The following MSI2 variants were observed in gnomAD, a reference collection of about 807,000 sequenced individuals.
The protein encoded by MSI2 is RNA-binding protein Musashi homolog 2.
In MSI2, 17 loss-of-function variants were observed where a neutral mutation model predicts 45.6. The ratio of observed to expected loss-of-function variants is 0.37; its 90% CI spans 0.26 to 0.56. MSI2 has a LOEUF of 0.56. Ranked by LOEUF, MSI2 falls within the 20% of genes least tolerant of loss-of-function variation. The probability of loss-of-function intolerance (pLI) is 0.77; values close to 1 mark genes in which losing one functional copy is unlikely to be tolerated. For synonymous variants in MSI2, 156 were observed against 158.2 expected (o/e 0.99, Z 0.11); for missense variants, 293 against 444.2 (o/e 0.66, Z 3.06).
At chr17:57,308,307 G>C (rs1598100430) in intron 5 of MSI2, among the ~76,000 whole-genome samples, 1 of 152,310 alleles carries the variant, frequency 6.6e-6, no homozygotes, top group African/African-American at 2.4e-5. Context: ...AGGAGATAAT[G>C]GATAGAACAT....
intron 7 of MSI2, among the ~76,000 whole-genome samples, chr17:57,538,249 C>A (rs1003420237): frequency 6.6e-6 from 1 of 151,950 alleles, no homozygotes; most frequent in South Asian, 2.1e-4. Context: ...GGCCAGGGGT[C>A]GCCGCAAGCC....
chr17:57,358,903 C>A (rs1476579040), intron 5 of MSI2, among the ~76,000 whole-genome samples: 2 of 152,110 alleles, frequency 1.3e-5, no homozygotes, highest in African/African-American at 4.8e-5. Context: ...GAGTGTTCCT[C>A]ATACTTTGAG....
At chr17:57,574,325 A>C (rs909182935) in intron 7 of MSI2, among the ~76,000 whole-genome samples, 2 of 152,272 alleles carry the variant, frequency 1.3e-5, no homozygotes, top group Admixed American at 6.5e-5. Flanking sequence ...AAATAAAATA[A>C]GAAAGTCCAT....
intron 7 of MSI2, among the ~76,000 whole-genome samples, chr17:57,538,226 C>T: frequency 6.6e-6 from 1 of 152,000 alleles, no homozygotes; most frequent in East Asian, 1.9e-4. Context: ...CTGCCAGTGG[C>T]CGGAGAGGGC....
chr17:57,348,035 C>G (rs1915755545), intron 5 of MSI2, among the ~76,000 whole-genome samples: 1 of 152,212 alleles, frequency 6.6e-6, no homozygotes, highest in Non-Finnish European at 1.5e-5. Context: ...CGTGTCCAGC[C>G]TTTCTCATCT....
chr17:57,388,210 C>T (rs148557383), intron 5 of MSI2, among the ~76,000 whole-genome samples: 1 of 152,342 alleles, frequency 6.6e-6, no homozygotes, highest in East Asian at 1.9e-4. Flanking sequence ...ATTTTGGCCT[C>T]TCTCTTTTAC....
At chr17:57,490,656 GAATAA>G (rs1357655334) in intron 6 of MSI2, among the ~76,000 whole-genome samples, 1 of 152,112 alleles carries the variant, frequency 6.6e-6, no homozygotes, top group East Asian at 1.9e-4. Flanking sequence ...GAAATATTTG[GAATAA>G]AATACCATGG....
In MSI2 at chr17:57,552,673, T is replaced by C. The variant is rs1387143744; in HGVS notation, c.454+22949T>C. Among the ~76,000 whole-genome samples the C allele has an allele frequency of 2.0e-5, 3 of 152,236 alleles. No individual in the cohort carries two copies. In the East Asian group the frequency reaches 5.8e-4, roughly 29 times the overall value. ...TACAACCAGAAGGTGATTCTCTGGC[T>C]TCTGAGCTTCACCCAACCCTCTCTG... On this transcript the variant is annotated intron_variant, in intron 7 of 13. Transcript: ENST00000284073. This position sits in a 1 kb window ranked among gnomAD's most constrained non-coding sequence, Gnocchi z 4.3.
intron 7 of MSI2, among the ~76,000 whole-genome samples, chr17:57,563,098 C>CAAA (rs59975200): frequency 0.016 from 1,168 of 70,928 alleles, 16 homozygotes; most frequent in Middle Eastern, 0.036. Context: ...ACTTCGTCTC[C>CAAA]AAAAAAAAAA....
chr17:57,456,262 T>C (rs948041490), intron 6 of MSI2, among the ~76,000 whole-genome samples: 1 of 152,186 alleles, frequency 6.6e-6, no homozygotes, highest in African/African-American at 2.4e-5. Flanking sequence ...CCAGGGCACT[T>C]GTATGTCTGT....
In MSI2 at chr17:57,682,450, G is replaced by A. The variant is rs1198761095; in HGVS notation, c.*2933G>A. The A allele has an allele frequency of 5.2e-6, 1 of 190,720 alleles. No homozygotes were observed. The highest frequency in any genetic ancestry group is 2.3e-5 in the African/African-American group (1 of 42,720). The allele number at this position is 190,720 out of a possible 1,614,324, so 11.8% of individuals were successfully genotyped here. The stretch of plus-strand genomic sequence containing the variant: ...GTATATTAAAATGATTTTACTAAGA[G>A]AAAAAATATTTTTTTAAGAATGCTC... On this transcript the variant is annotated 3_prime_UTR_variant, in exon 14 of 14. Transcript: ENST00000284073.
chr17:57,550,729 A>T (rs1172131769), intron 7 of MSI2, among the ~76,000 whole-genome samples: 2 of 152,170 alleles, frequency 1.3e-5, no homozygotes, highest in African/African-American at 4.8e-5. Flanking sequence ...CCTGGGGAAG[A>T]GTCGAGGTTC....
At chr17:57,303,330 G>A (rs1052455016) in intron 5 of MSI2, among the ~76,000 whole-genome samples, 20 of 152,328 alleles carry the variant, frequency 1.3e-4, no homozygotes, top group African/African-American at 3.4e-4. Context: ...TGCACAGCTC[G>A]ACATATGCTG....
At chr17:57,469,525 G>T (rs1270148234) in intron 6 of MSI2, among the ~76,000 whole-genome samples, 1 of 152,222 alleles carries the variant, frequency 6.6e-6, no homozygotes, top group African/African-American at 2.4e-5. Flanking sequence ...CGTGACTGTG[G>T]TTGGAGGTGA....
chr17:57,577,190 C>T (rs1598416486), intron 7 of MSI2, among the ~76,000 whole-genome samples: 2 of 152,114 alleles, frequency 1.3e-5, no homozygotes, highest in South Asian at 2.1e-4. Flanking sequence ...CATGAGTGGC[C>T]GTTTGTGAAG....
intron 9 of MSI2, among the ~76,000 whole-genome samples, chr17:57,624,709 G>A (rs1383521913): frequency 6.6e-6 from 1 of 152,210 alleles, no homozygotes; most frequent in Non-Finnish European, 1.5e-5. Context: ...CATTCAGTGA[G>A]TGAGCTGTGA....
At chr17:57,271,912 C>A (rs777175390) in intron 5 of MSI2, among the ~76,000 whole-genome samples, 3 of 151,992 alleles carry the variant, frequency 2.0e-5, no homozygotes, top group Non-Finnish European at 4.4e-5. Flanking sequence ...GCCATCAAAG[C>A]TTTTGATAGT....
At chr17:57,354,260 T>C (rs1916257726) in intron 5 of MSI2, among the ~76,000 whole-genome samples, 1 of 152,138 alleles carries the variant, frequency 6.6e-6, no homozygotes, top group Non-Finnish European at 1.5e-5. Flanking sequence ...GTAGCATAGC[T>C]CTGGTGATGT....
chr17:57,575,147 T>TCCCCCC lies in MSI2; in HGVS notation c.455-21718_455-21717insCCCCCC, dbSNP rs371180511. Among the ~76,000 whole-genome samples the TCCCCCC allele has an allele frequency of 2.0e-3, 242 of 119,534 alleles. 2 individuals are homozygous for TCCCCCC. The highest frequency in any genetic ancestry group is 4.3e-3 in the Middle Eastern group (1 of 232). The allele number at this position is 119,534 out of a possible 152,430, so 78.4% of individuals were successfully genotyped here. Reference sequence around the variant, plus strand: ...GCCCGGCCGCATTCTCTTTTTTAACTCCCTCCCCCCGCCACCCCCCGGCTG... The same window carrying TCCCCCC: ...GCCCGGCCGCATTCTCTTTTTTAACTCCCCCCCCCTCCCCCCGCCACCCCCCGGCTG... On this transcript the variant is annotated intron_variant, in intron 7 of 13. Coordinates refer to ENST00000284073, the MANE Select transcript of MSI2 (RefSeq NM_138962.4).
Sources: allele counts gnomAD v4.1 joint callset (sites outside exome capture counted in the v4.1 genomes callset), GRCh38; gene constraint gnomAD v4.1.1; non-coding constraint Gnocchi (gnomAD v3.1); transcripts MANE v1.5; gene names NCBI Gene and HGNC (gene_info 2026-07-23, HGNC 2026-07-21).